The following ACO1 variants were observed in gnomAD, a reference collection of about 807,000 sequenced individuals.
The protein encoded by ACO1 is cytoplasmic aconitate hydratase.
Under a neutral mutation model 105.1 loss-of-function variants are expected in ACO1, and 78 were observed. The ratio of observed to expected loss-of-function variants is 0.74; its 90% CI spans 0.62 to 0.90. ACO1 has a LOEUF of 0.90. ACO1 is among the 40% of genes least tolerant of loss of function. The pLI is 0.00. For synonymous variants in ACO1, 364 were observed against 397.4 expected, an observed-to-expected ratio of 0.92 and a Z score of 1.00; for missense variants, 965 against 1,111.1, an observed-to-expected ratio of 0.87 and a Z score of 1.87.
At chr9:32,406,632 C>G (rs1054234771) in intron 2 of ACO1, among the ~76,000 whole-genome samples, 3 of 152,142 alleles carry the variant, frequency 2.0e-5, no homozygotes, top group Non-Finnish European at 4.4e-5. Context: ...CGAAAACAAA[C>G]AAAACACATA....
intron 7 of ACO1, among the ~76,000 whole-genome samples, chr9:32,419,407 A>AT (rs1333937688): frequency 6.6e-6 from 1 of 152,188 alleles, no homozygotes; most frequent in Non-Finnish European, 1.5e-5. Context: ...CTTAAAGGAA[A>AT]TTTTTTAAAC....
chr9:32,449,547 G>A (rs778825203), intron 20 of ACO1, among the ~76,000 whole-genome samples: 2 of 152,238 alleles, frequency 1.3e-5, no homozygotes, highest in Middle Eastern at 3.4e-3. Context: ...GGGGTCATTC[G>A]GTGCCCCAGA....
chr9:32,432,177 A>G (rs534400162), intron 15 of ACO1, among the ~76,000 whole-genome samples: 5 of 152,206 alleles, frequency 3.3e-5, no homozygotes, highest in South Asian at 2.1e-4. Context: ...GGTGGTCACT[A>G]TATTGTGTCA....
Position 32,453,625 on chromosome 9 carries a change from G to A in ACO1, c.*3514G>A, listed in dbSNP as rs1347724939. ...GATTTGTCTCCCAGTATTCCCTAGG[G>A]CAAAAATATTGGGAGTTCCTAGTCA... On this transcript the variant is annotated 3_prime_UTR_variant, in exon 21 of 21. Transcript: ENST00000309951. 6.6e-6 allele frequency: 1 copy of A among 152,104 alleles called. No individual in the cohort carries two copies. The highest frequency in any genetic ancestry group is 1.9e-4 in the East Asian group (1 of 5,194). The allele number at this position is 152,104 out of a possible 1,614,324, so 9.4% of individuals were successfully genotyped here.
Position 32,450,573 on chromosome 9 carries a change from A to G in ACO1, c.*462A>G. The G allele has an allele frequency of 1.3e-5, 3 of 233,708 alleles. No individual in the cohort carries two copies. The highest frequency in any genetic ancestry group is 2.6e-5 in the Non-Finnish European group (3 of 116,894). The allele number at this position is 233,708 out of a possible 1,614,324, so 14.5% of individuals were successfully genotyped here. A position where few individuals can be genotyped will look rare whatever the true frequency, so the allele number is the denominator to read the frequency against. ...ATTATACCAGTGTTAAGTGACATAG[A>G]TAAGAACTTTGCACACTTCAAATCA... On this transcript the variant is annotated 3_prime_UTR_variant, in exon 21 of 21. Transcript: ENST00000309951.
intron 6 of ACO1, 113 bp from the exon 7 acceptor site, chr9:32,418,925 A>G (rs1821909842): frequency 2.0e-5 from 25 of 1,268,210 alleles, no homozygotes; most frequent in Non-Finnish European, 2.6e-5. Flanking sequence ...ATGACTCTGC[A>G]CCAATTAAAC....
At position 32,436,394 on chromosome 9, in the gene ACO1, A is replaced by G; in HGVS notation, c.2244A>G (p.Glu748=). 2 of 1,613,988 alleles carry G rather than the reference A, an allele frequency of 1.2e-6. No homozygotes were observed. Among genetic ancestry groups the G allele is most frequent in the Non-Finnish European group, 1.7e-6 (2 of 1,179,938 alleles). The change falls in exon 18 of 21, where the codon GAA becomes GAG. Residue 748 remains glutamate (E), a synonymous_variant. Transcript: ENST00000309951. ...APQTIHLPSG[E]ILDVFDAAER... ...AGACTATCCATCTGCCTTCTGGGGA[A>G]ATCGTGAGTATTGTCTTCTGCTTCC...
At position 32,390,050 on chromosome 9, in the gene ACO1, A is replaced by C. The variant is rs940555378; in HGVS notation, c.-23+5315A>C. ...TTACTTCAGGTGATCCGCCTGCCTC[A>C]GCCTCCTGAAGTGCTGGGATTACAG... On this transcript the variant is annotated intron_variant, in intron 1 of 20. Coordinates refer to ENST00000309951, the MANE Select transcript of ACO1 (RefSeq NM_002197.3). Among the ~76,000 whole-genome samples, 88 of 152,298 alleles carry C rather than the reference A, an allele frequency of 5.8e-4. 1 individual carries two copies. The highest frequency in any genetic ancestry group is 2.6e-4 in the Non-Finnish European group (18 of 68,026).
chr9:32,394,285 T>C (rs901540114), intron 1 of ACO1, among the ~76,000 whole-genome samples: 6 of 152,152 alleles, frequency 3.9e-5, no homozygotes, highest in African/African-American at 7.2e-5. Flanking sequence ...CTGGATTAGG[T>C]GCTTTTCCCT....
chr9:32,427,363 C>T lies in ACO1; in HGVS notation c.1411C>T (p.Leu471=), dbSNP rs752198846. ...CGTGATGCCTTACATCAAAACTAGC[C>T]TGTCTCCTGGGAGTGGCGTGGTCAC... ...LNVMPYIKTS[L]SPGSGVVTYY... The change falls in exon 12 of 21, where the codon CTG becomes TTG. Residue 471 remains leucine, a synonymous_variant. Coordinates refer to ENST00000309951, the MANE Select transcript of ACO1 (RefSeq NM_002197.3). 2.5e-6 allele frequency: 4 copies of T among 1,614,230 alleles called. No individual in the cohort carries two copies. The highest frequency in any genetic ancestry group is 3.4e-6 in the Non-Finnish European group (4 of 1,180,040).
intron 19 of ACO1, among the ~76,000 whole-genome samples, chr9:32,442,559 A>G (rs945744505): frequency 6.6e-6 from 1 of 152,214 alleles, no homozygotes; most frequent in African/African-American, 2.4e-5. Flanking sequence ...CTTAATATCA[A>G]GACTATATTC....
chr9:32,447,412 T>TATCA (rs1441245775), intron 19 of ACO1, among the ~76,000 whole-genome samples: 2 of 150,932 alleles, frequency 1.3e-5, no homozygotes, highest in African/African-American at 5.0e-5. Context: ...TTTTCAGCTC[T>TATCA]ATCAGGTCAT....
At chr9:32,428,677 A>G (rs1400993642) in intron 12 of ACO1, among the ~76,000 whole-genome samples, 1 of 152,026 alleles carries the variant, frequency 6.6e-6, no homozygotes, top group Non-Finnish European at 1.5e-5. Flanking sequence ...TCTCTACTGA[A>G]AATACAAAAA....
Position 32,425,892 on chromosome 9 carries a change from T to C in ACO1, c.1243T>C (p.Phe415Leu), listed in dbSNP as rs1320354040. 2 of 1,613,890 alleles carry C rather than the reference T, an allele frequency of 1.2e-6. No homozygotes were observed. The highest frequency in any genetic ancestry group is 2.7e-5 in the African/African-American group (2 of 74,908). ...TGAACATCATAATGACCATAAGACC[T>C]TTATCTATGATAACACTGAATTCAC... ...APEHHNDHKT[F>L]IYDNTEFTLA... The change falls in exon 11 of 21, where the codon TTT becomes CTT. Residue 415 changes from phenylalanine (F) to leucine (L), a missense_variant. Physicochemically the swap from Phe to Leu is conservative, Grantham distance 22 (BLOSUM62 0). Coordinates refer to ENST00000309951, the MANE Select transcript of ACO1 (RefSeq NM_002197.3).
At chr9:32,416,779 G>T (rs1435708117) in intron 4 of ACO1, among the ~76,000 whole-genome samples, 1 of 152,214 alleles carries the variant, frequency 6.6e-6, no homozygotes, top group African/African-American at 2.4e-5. Context: ...CCCAGGGCCA[G>T]TCAGACCTAG....
In ACO1 at chr9:32,385,090, C is replaced by A. The variant is rs1044997717; in HGVS notation, c.-23+355C>A. ...GGGTGTGAGGCCCGCACTGGGAGTC[C>A]TCGCCCAGGCCCGGCTGGCTGGATA... On this transcript the variant is annotated intron_variant, in intron 1 of 20. Transcript: ENST00000309951. Among the ~76,000 whole-genome samples the A allele has an allele frequency of 1.1e-4, 16 of 152,280 alleles. 1 individual carries two copies. Among genetic ancestry groups the A allele is most frequent in the Admixed American group, 8.5e-4 (13 of 15,300 alleles).
intron 8 of ACO1, among the ~76,000 whole-genome samples, chr9:32,422,086 T>C (rs1039565053): frequency 2.6e-5 from 4 of 152,122 alleles, no homozygotes; most frequent in Admixed American, 2.0e-4. Flanking sequence ...GAATAAATAA[T>C]TGAGGGAATC....
Position 32,427,303 on chromosome 9 carries a change from T to C in ACO1, c.1351T>C (p.Leu451=), listed in dbSNP as rs1336565570. The change falls in exon 12 of 21, where the codon TTG becomes CTG. Residue 451 remains leucine (L), a splice_region_variant and synonymous_variant. Coordinates refer to ENST00000309951, the MANE Select transcript of ACO1 (RefSeq NM_002197.3). ...SNPSVMLGAG[L]LAKKAVDAGL... is the part of the protein sequence containing the mutation. ...CATCTGTGTTTACCATTTCACAGGA[T>C]TGTTAGCAAAGAAAGCTGTGGATGC... 2.5e-6 allele frequency: 4 copies of C among 1,614,034 alleles called. No homozygotes were observed. Among genetic ancestry groups the C allele is most frequent in the Non-Finnish European group, 3.4e-6 (4 of 1,180,034 alleles).
In ACO1 at chr9:32,424,629, C is replaced by A; in HGVS notation, c.1152C>A (p.Asp384Glu). Residue 384 changes from aspartate (D) to glutamate (E), a missense_variant, in exon 10 of 21, where the codon GAC becomes GAA. Asp to Glu is a conservative substitution (Grantham distance 45). Coordinates refer to ENST00000309951, the MANE Select transcript of ACO1 (RefSeq NM_002197.3). ...KRPQDKVAVS[D>E]MKKDFESCLG... ...CTCAGGACAAAGTTGCTGTGTCCGA[C>A]ATGAAAAAGGACTTTGAGAGCTGCC... The A allele has an allele frequency of 6.2e-7, 1 of 1,614,048 alleles. No individual in the cohort carries two copies. Among genetic ancestry groups the A allele is most frequent in the African/African-American group, 1.3e-5 (1 of 75,012 alleles).
Sources: allele counts gnomAD v4.1 joint callset (sites outside exome capture counted in the v4.1 genomes callset), GRCh38; gene constraint gnomAD v4.1.1; transcripts MANE v1.5; gene names NCBI Gene and HGNC (gene_info 2026-07-23, HGNC 2026-07-21).